Variants in CDK14 observed in about 807,000 individuals in gnomAD.
CDK14 encodes the protein cyclin-dependent kinase 14.
CDK14 carries 34 observed loss-of-function variants against 60.7 expected under a neutral mutation model. That is an observed-to-expected ratio of 0.56 (90% CI 0.43 to 0.75). CDK14 has a LOEUF of 0.75. Ranked by LOEUF, CDK14 falls within the 30% of genes least tolerant of loss-of-function variation. The pLI is 0.00. For missense variants in CDK14, 482 were observed against 564.1 expected, an observed-to-expected ratio of 0.85 and a Z score of 1.47; for synonymous variants, 197 against 203.7, an observed-to-expected ratio of 0.97 and a Z score of 0.28.
At chr7:90,612,537 C>T (rs926089155) in intron 2 of CDK14, among the ~76,000 whole-genome samples, 4 of 152,002 alleles carry the variant, frequency 2.6e-5, no homozygotes, top group South Asian at 2.1e-4. Flanking sequence ...TATGGGAGGT[C>T]GAGGCAGGTG....
chr7:91,172,098 G>A (rs1167770250), intron 14 of CDK14, among the ~76,000 whole-genome samples: 4 of 152,260 alleles, frequency 2.6e-5, no homozygotes, highest in African/African-American at 9.6e-5. Context: ...TTATTATTGT[G>A]CTTGGGTTTA....
chr7:90,920,459 G>T (rs975716900), intron 8 of CDK14, among the ~76,000 whole-genome samples: 5 of 152,144 alleles, frequency 3.3e-5, no homozygotes, highest in African/African-American at 1.2e-4. Flanking sequence ...TTGCTTCATT[G>T]TCTCTTCAAG....
At chr7:90,971,490 CAGCTGAAAT>C (rs1249248830) in intron 9 of CDK14, among the ~76,000 whole-genome samples, 1 of 152,008 alleles carries the variant, frequency 6.6e-6, no homozygotes, top group African/African-American at 2.4e-5. Flanking sequence ...CAAAGACTAA[CAGCTGAAAT>C]ATCTGGTGTT....
intron 4 of CDK14, among the ~76,000 whole-genome samples, chr7:90,755,452 G>T (rs1411558726): frequency 6.6e-6 from 1 of 152,144 alleles, no homozygotes; most frequent in Non-Finnish European, 1.5e-5. Context: ...ATAGACACTG[G>T]AGACTGCTGA....
At chr7:91,099,481 TA>T (rs1332215004) in intron 12 of CDK14, among the ~76,000 whole-genome samples, 1 of 152,190 alleles carries the variant, frequency 6.6e-6, no homozygotes, top group Admixed American at 6.5e-5. Flanking sequence ...ATTCTCCAAA[TA>T]GTATAAATAT....
At chr7:90,872,620 T>C (rs1791404705) in intron 6 of CDK14, among the ~76,000 whole-genome samples, 2 of 152,326 alleles carry the variant, frequency 1.3e-5, no homozygotes, top group South Asian at 4.1e-4. Context: ...TAGTCATTTT[T>C]AACTGTCCAC....
At chr7:90,604,357 G>A (rs1799375600) in intron 2 of CDK14, 108 bp downstream of exon 2, 4 of 566,438 alleles carry the variant, frequency 7.1e-6, no homozygotes, top group Non-Finnish European at 1.2e-5. Flanking sequence ...TTTAAAACGC[G>A]AGATAACATC....
chr7:90,624,471 A>G (rs770881215), intron 2 of CDK14, among the ~76,000 whole-genome samples: 1 of 152,216 alleles, frequency 6.6e-6, no homozygotes, highest in South Asian at 2.1e-4. Context: ...TTAAGTTTAC[A>G]TAGCAGTGAG....
rs1292320655 is a variant in CDK14 at position 90,984,261 on chromosome 7, T to A, written c.1041+20T>A. ...TTTCTGGTAAGTCCTTTACAGAGTA[T>A]TTCTAAGAAAAATTGGTTTCTAATT... is the stretch of plus-strand genomic sequence containing the variant. On this transcript the variant is annotated intron_variant, in intron 10 of 14. Coordinates refer to ENST00000380050, the MANE Select transcript of CDK14 (RefSeq NM_001287135.2). 1.3e-6 allele frequency: 2 copies of A among 1,519,906 alleles called. No homozygotes were observed. The highest frequency in any genetic ancestry group is 2.7e-5 in the African/African-American group (2 of 72,792). The allele number at this position is 1,519,906 out of a possible 1,614,324, so 94.2% of individuals were successfully genotyped here.
chr7:90,605,372 C>T (rs993239228), intron 2 of CDK14, among the ~76,000 whole-genome samples: 1 of 152,220 alleles, frequency 6.6e-6, no homozygotes, highest in Non-Finnish European at 1.5e-5. Context: ...TCCAAAGCAA[C>T]TTTCCCTGCC....
chr7:91,026,725 G>T (rs10488001), intron 10 of CDK14, among the ~76,000 whole-genome samples: 9,902 of 152,214 alleles, frequency 0.065, 409 homozygotes, highest in Middle Eastern at 0.21. Flanking sequence ...ATTTATATAT[G>T]TCTGCGTAAA....
chr7:90,773,224 G>T (rs562639665), intron 4 of CDK14, among the ~76,000 whole-genome samples: 1 of 152,196 alleles, frequency 6.6e-6, no homozygotes, highest in East Asian at 1.9e-4. Flanking sequence ...TAAGAGTGTG[G>T]ACTACACACC....
chr7:91,091,308 A>G (rs1431700231), intron 12 of CDK14, among the ~76,000 whole-genome samples: 1 of 144,672 alleles, frequency 6.9e-6, no homozygotes, highest in Non-Finnish European at 1.5e-5. Context: ...ATATATACAT[A>G]TATAATTTAT....
At chr7:90,811,167 T>G (rs1789088116) in intron 5 of CDK14, among the ~76,000 whole-genome samples, 1 of 152,228 alleles carries the variant, frequency 6.6e-6, no homozygotes, top group Admixed American at 6.5e-5. Flanking sequence ...AAGTCAATCC[T>G]AAGACAAAAG....
At chr7:90,877,224 C>G (rs1164314446) in intron 6 of CDK14, among the ~76,000 whole-genome samples, 1 of 152,084 alleles carries the variant, frequency 6.6e-6, no homozygotes, top group African/African-American at 2.4e-5. Flanking sequence ...AATATATACA[C>G]TTCATTTTTC....
intron 12 of CDK14, among the ~76,000 whole-genome samples, chr7:91,092,192 A>G (rs924025723): frequency 2.0e-5 from 3 of 152,198 alleles, no homozygotes; most frequent in East Asian, 1.9e-4. Flanking sequence ...AAACAGCCAG[A>G]TGTAGAGTTA....
intron 14 of CDK14, among the ~76,000 whole-genome samples, chr7:91,142,474 C>A (rs43010): frequency 0.95 from 145,024 of 152,316 alleles, 69,068 homozygotes; most frequent in East Asian, 1. Context: ...CTCTGTTGTC[C>A]GTGTCAAATG....
chr7:90,807,476 C>T (rs1195096149), intron 5 of CDK14, among the ~76,000 whole-genome samples: 1 of 152,170 alleles, frequency 6.6e-6, no homozygotes, highest in Non-Finnish European at 1.5e-5. Context: ...ACGTCATCAT[C>T]ATCAAAGACC....
Position 90,848,189 on chromosome 7 carries a change from C to T in CDK14, c.545-14986C>T, listed in dbSNP as rs192158630. 1.5e-4 allele frequency among the ~76,000 whole-genome samples: 23 copies of T among 152,218 alleles called. 1 individual carries two copies. In the East Asian group the frequency reaches 3.1e-3, roughly 20 times the overall value. ...TGATCTTGGCTCACTGCAACCTCTG[C>T]CTCCTGGGTTGAAGTGATCCTCCCA... On this transcript the variant is annotated intron_variant, in intron 5 of 14. Coordinates refer to ENST00000380050, the MANE Select transcript of CDK14 (RefSeq NM_001287135.2).
Sources: allele counts gnomAD v4.1 joint callset (sites outside exome capture counted in the v4.1 genomes callset), GRCh38; gene constraint gnomAD v4.1.1; transcripts MANE v1.5; gene names NCBI Gene and HGNC (gene_info 2026-07-23, HGNC 2026-07-21).